Variants in EZR observed in about 807,000 individuals in gnomAD.
EZR encodes the protein cytovillin 2.
Under a neutral mutation model 74.8 loss-of-function variants are expected in EZR, and 40 were observed. That is an observed-to-expected ratio of 0.53 (90% confidence interval 0.42 to 0.70). The LOEUF (loss-of-function observed/expected upper bound fraction) is 0.70, where lower values mean the gene tolerates loss of function less well. EZR is among the 30% of genes least tolerant of loss of function. The pLI is 0.00. For missense variants in EZR, 678 were observed against 755.8 expected (o/e 0.90, Z 1.21); for synonymous variants, 341 against 283.3 (o/e 1.20, Z -2.05).
Position 158,766,833 on chromosome 6 carries a change from T to C in EZR, c.*81A>G, listed in dbSNP as rs749936264. The C allele has an allele frequency of 7.5e-7, 1 of 1,331,248 alleles. No homozygotes were observed. Among genetic ancestry groups the C allele is most frequent in the Non-Finnish European group, 1.0e-6 (1 of 957,680 alleles). The allele number at this position is 1,331,248 out of a possible 1,614,324, so 82.5% of individuals were successfully genotyped here. On this transcript the variant is annotated 3_prime_UTR_variant, in exon 14 of 14. Coordinates refer to ENST00000367075, the MANE Select transcript of EZR (RefSeq NM_001111077.2). ...TGGGATCTGAGGGAGTTCCTAGACT[T>C]GGAGCACTAAAGACACAAGCGTGGC...
At chr6:158,802,610 C>T (rs1777210626) in intron 2 of EZR, among the ~76,000 whole-genome samples, 1 of 152,172 alleles carries the variant, frequency 6.6e-6, no homozygotes, top group Non-Finnish European at 1.5e-5. Flanking sequence ...CGGCTCACTG[C>T]AACCTCCACC....
Position 158,766,938 on chromosome 6 carries a change from G to A in EZR, c.1737C>T (p.Arg579=), listed in dbSNP as rs1397059129. 1 of 1,614,170 alleles carries A rather than the reference G, an allele frequency of 6.2e-7. No homozygotes were observed. The part of the protein sequence containing the change: ...RQIRQGNTKQ[R]IDEFEAL Reference sequence around the variant, plus strand: ...GTTACAGGGCCTCGAACTCGTCGATGCGCTGCTTGGTGTTGCCCTGCCGGA... The same window carrying A: ...GTTACAGGGCCTCGAACTCGTCGATACGCTGCTTGGTGTTGCCCTGCCGGA... The change falls in exon 14 of 14, where the codon CGC becomes CGT. Residue 579 remains arginine (R), a synonymous_variant. Coordinates refer to ENST00000367075, the MANE Select transcript of EZR (RefSeq NM_001111077.2).
chr6:158,771,559 C>A, intron 8 of EZR, 152 bp from the exon 9 acceptor site: 1 of 816,760 alleles, frequency 1.2e-6, no homozygotes, highest in Non-Finnish European at 1.9e-6. Flanking sequence ...GTGCATTCTC[C>A]AGGACAGATG....
chr6:158,788,000 T>G (rs919757562), intron 3 of EZR, among the ~76,000 whole-genome samples: 11 of 152,190 alleles, frequency 7.2e-5, no homozygotes, highest in Non-Finnish European at 1.6e-4. Context: ...TTGAACATCA[T>G]CTAAACCGAG....
At chr6:158,777,889 T>C (rs780714664) in intron 7 of EZR, among the ~76,000 whole-genome samples, 1 of 145,112 alleles carries the variant, frequency 6.9e-6, no homozygotes, top group Non-Finnish European at 1.5e-5. Flanking sequence ...TACAGTGCTA[T>C]GCTCTAGAAT....
chr6:158,819,284 C>T (rs891665593), intron 1 of EZR, 33 bp downstream of exon 1: 1 of 153,390 alleles, frequency 6.5e-6, no homozygotes, highest in African/African-American at 2.4e-5. Flanking sequence ...CGCCCAGAAC[C>T]CCCGTCCCGA....
At chr6:158,803,573 AT>A (rs1562504462) in intron 2 of EZR, among the ~76,000 whole-genome samples, 137 of 7,502 alleles carry the variant, frequency 0.018, 20 homozygotes, top group Non-Finnish European at 0.022. Context: ...ATATATATAT[AT>A]ATATATACAT....
chr6:158,816,616 T>C (rs1035601749), intron 2 of EZR, among the ~76,000 whole-genome samples: 1 of 152,218 alleles, frequency 6.6e-6, no homozygotes, highest in Non-Finnish European at 1.5e-5. Context: ...CTTTTAAGTT[T>C]GAATTAAAAA....
In EZR at chr6:158,767,354, C is replaced by T. The variant is rs149944596; in HGVS notation, c.1503G>A (p.Ala501=). Residue 501 remains alanine (A), a synonymous_variant, in exon 13 of 14, where the codon GCG becomes GCA. Coordinates refer to ENST00000367075, the MANE Select transcript of EZR (RefSeq NM_001111077.2). ...DEGAEPTGYS[A]ELSSEGIRDD... ...CCCGGATGCCCTCACTAGACAGCTC[C>T]GCGCTGTAGCCCGTGGGCTCTGCGC... 117 of 1,614,066 alleles carry T rather than the reference C, an allele frequency of 7.2e-5. 1 individual carries two copies. In the East Asian group the frequency reaches 1.1e-3, roughly 15 times the overall value.
intron 2 of EZR, among the ~76,000 whole-genome samples, chr6:158,796,697 G>A (rs1051820041): frequency 1.3e-5 from 2 of 152,226 alleles, no homozygotes; most frequent in East Asian, 3.8e-4. Flanking sequence ...GTTAAGGTGG[G>A]GTTTTCTGTT....
chr6:158,787,361 T>G (rs936579550), intron 3 of EZR, among the ~76,000 whole-genome samples, 158 bp from the exon 4 acceptor site: 2 of 152,194 alleles, frequency 1.3e-5, no homozygotes, highest in Non-Finnish European at 2.9e-5. Flanking sequence ...TGCACTCAAA[T>G]AACTTGTTAC....
intron 2 of EZR, among the ~76,000 whole-genome samples, chr6:158,816,303 G>A (rs574509078): frequency 6.6e-6 from 1 of 152,074 alleles, no homozygotes; most frequent in Non-Finnish European, 1.5e-5. Flanking sequence ...AAACCTAAAA[G>A]TAAGAGGATA....
intron 11 of EZR, 104 bp downstream of exon 11, chr6:158,769,665 CCAGCAGATCAGTTTA>C (rs1363178070): frequency 4.8e-5 from 69 of 1,424,002 alleles, no homozygotes; most frequent in Non-Finnish European, 6.6e-5. Context: ...CTTCAGCCCC[CCAGCAGATCAGTTTA>C]CAGCTTCCAG....
Position 158,791,706 on chromosome 6 carries a change from A to ATTTTTTTTTTTT in EZR, c.13-2347_13-2336dup, listed in dbSNP as rs57581855. Among the ~76,000 whole-genome samples the ATTTTTTTTTTTT allele has an allele frequency of 5.3e-4, 51 of 96,236 alleles. 3 individuals are homozygous for ATTTTTTTTTTTT. Among genetic ancestry groups the ATTTTTTTTTTTT allele is most frequent in the Non-Finnish European group, 7.1e-4 (36 of 50,378 alleles). The allele number at this position is 96,236 out of a possible 152,430, so 63.1% of individuals were successfully genotyped here. A position where few individuals can be genotyped will look rare whatever the true frequency, so the allele number is the denominator to read the frequency against. On this transcript the variant is annotated intron_variant, in intron 2 of 13. Coordinates refer to ENST00000367075, the MANE Select transcript of EZR (RefSeq NM_001111077.2). ...CCATGCACACGAGATTTCAGACTCC[A>ATTTTTTTTTTTT]TTTTTTTTTTTTTTTTTTTTGAGAC... is the stretch of plus-strand genomic sequence containing the variant.
chr6:158,815,233 A>C lies in EZR; in HGVS notation c.12+2849T>G, dbSNP rs1347601975. ...TAACATTTACTAAGGCAGCAAAAAA[A>C]CCCCAAACCAAACCAAAACTAACTG... On this transcript the variant is annotated intron_variant, in intron 2 of 13. Transcript: ENST00000367075. Among the ~76,000 whole-genome samples the C allele has an allele frequency of 3.9e-5, 6 of 152,166 alleles. No homozygotes were observed. The South Asian group carries it at 1.2e-3, about 32-fold the overall frequency.
At chr6:158,817,000 G>A (rs1336324288) in intron 2 of EZR, among the ~76,000 whole-genome samples, 1 of 152,198 alleles carries the variant, frequency 6.6e-6, no homozygotes, top group East Asian at 1.9e-4. Flanking sequence ...CAGGAGATTC[G>A]CTTGAACCTG....
chr6:158,775,909 G>T (rs1288664275), intron 8 of EZR, among the ~76,000 whole-genome samples: 2 of 152,214 alleles, frequency 1.3e-5, no homozygotes, highest in African/African-American at 2.4e-5. Flanking sequence ...GCCTGCCAGT[G>T]TCACCTGTGT....
At chr6:158,790,690 A>C (rs1486137748) in intron 2 of EZR, among the ~76,000 whole-genome samples, 1 of 138,210 alleles carries the variant, frequency 7.2e-6, no homozygotes, top group Admixed American at 7.0e-5. Flanking sequence ...AACAAACAAA[A>C]AAAACCCACC....
At chr6:158,785,247 C>A in intron 5 of EZR, 62 bp downstream of exon 5, 3 of 1,588,336 alleles carry the variant, frequency 1.9e-6, no homozygotes, top group South Asian at 2.2e-5. Flanking sequence ...CTAAGGCAAT[C>A]ACTTCTCCCT....
Sources: gnomAD v4.1 joint callset for allele counts (sites outside exome capture counted in the v4.1 genomes callset) on GRCh38, gnomAD v4.1.1 for gene constraint, MANE v1.5 for transcripts, NCBI Gene and HGNC (gene_info 2026-07-23, HGNC 2026-07-21) for gene names.